HES1: variants seen among roughly 807,000 people sequenced by gnomAD.
The protein encoded by HES1 is transcription factor HES-1.
HES1 carries 7 observed loss-of-function variants against 21.0 expected under a neutral mutation model. The ratio of observed to expected loss-of-function variants is 0.33; its 90% CI spans 0.19 to 0.63. The LOEUF (loss-of-function observed/expected upper bound fraction) is 0.63, where lower values mean the gene tolerates loss of function less well. Among genes scored for constraint, HES1 ranks in the 20% least tolerant of loss-of-function variants. The pLI is 0.78. For synonymous variants in HES1, 169 were observed against 171.2 expected (o/e 0.99, Z 0.10); for missense variants, 338 against 389.8 (o/e 0.87, Z 1.12).
chr3:194,137,734 G>A lies in HES1; in HGVS notation c.344G>A (p.Ser115Asn). 1.9e-6 allele frequency: 3 copies of A among 1,613,782 alleles called. No individual in the cohort carries two copies. Among genetic ancestry groups the A allele is most frequent in the South Asian group, 1.1e-5 (1 of 90,986 alleles). The part of the protein sequence containing the change: ...SVLGKYRAGF[S>N]ECMNEVTRFL... Reference sequence around the variant, plus strand: ...CTGGGGAAGTACCGAGCCGGCTTCAGCGAGTGCATGAACGAGGTGACCCGC... The same window carrying A: ...CTGGGGAAGTACCGAGCCGGCTTCAACGAGTGCATGAACGAGGTGACCCGC... The change falls in exon 4 of 4, where the codon AGC (serine) becomes AAC (asparagine). Residue 115 changes from serine to asparagine, a missense_variant. Physicochemically the swap from Ser to Asn is conservative, Grantham distance 46 (BLOSUM62 1). Coordinates refer to ENST00000232424, the MANE Select transcript of HES1 (RefSeq NM_005524.4). The surrounding 1 kb of genome is among the most constrained non-coding windows in gnomAD (Gnocchi z 5.4).
rs543035753 is a variant in HES1 at position 194,138,091 on chromosome 3, C to G, written c.701C>G (p.Pro234Arg). Residue 234 changes from proline to arginine, a missense_variant, in exon 4 of 4, where the codon CCC (proline) becomes CGC (arginine). Physicochemically the swap from Pro to Arg is moderately radical, Grantham distance 103. Coordinates refer to ENST00000232424, the MANE Select transcript of HES1 (RefSeq NM_005524.4). ...GATGGCCAGTTTGCTTTCCTCATTC[C>G]CAACGGGGCCTTCGCGCACAGCGGC... ...APDGQFAFLI[P>R]NGAFAHSGPV... is the part of the protein sequence containing the mutation. The G allele has an allele frequency of 6.2e-7, 1 of 1,612,094 alleles. No individual in the cohort carries two copies. The highest frequency in any genetic ancestry group is 1.3e-5 in the African/African-American group (1 of 75,016).
intron 1 of HES1, 48 bp downstream of exon 1, chr3:194,136,536 G>A (rs1715342815): frequency 6.4e-7 from 1 of 1,553,098 alleles, no homozygotes; most frequent in African/African-American, 1.4e-5. Flanking sequence ...AATTAAGTAG[G>A]GGTTGGGGGG....
At position 194,137,392 on chromosome 3, in the gene HES1, G is replaced by A; in HGVS notation, c.293-291G>A. The A allele has an allele frequency of 1.8e-6, 1 of 571,186 alleles. No individual in the cohort carries two copies. The highest frequency in any genetic ancestry group is 3.1e-6 in the Non-Finnish European group (1 of 320,400). The allele number at this position is 571,186 out of a possible 1,614,324, so 35.4% of individuals were successfully genotyped here. ...GAAATGAGGCTTGGATGATGGATTG[G>A]GAGGCATTGTCCAAGGTCACATCGC... On this transcript the variant is annotated intron_variant, in intron 3 of 3. Coordinates refer to ENST00000232424, the MANE Select transcript of HES1 (RefSeq NM_005524.4). The surrounding 1 kb of genome is among the most constrained non-coding windows in gnomAD (Gnocchi z 5.4).
Position 194,138,119 on chromosome 3 carries a change from T to C in HES1, c.729T>C (p.Pro243=). 1 of 1,612,656 alleles carries C rather than the reference T, an allele frequency of 6.2e-7. No homozygotes were observed. Among genetic ancestry groups the C allele is most frequent in the Non-Finnish European group, 8.5e-7 (1 of 1,179,602 alleles). The stretch of plus-strand genomic sequence containing the variant: ...ACGGGGCCTTCGCGCACAGCGGCCC[T>C]GTCATCCCCGTCTACACCAGCAACA... ...IPNGAFAHSG[P]VIPVYTSNSG... Residue 243 remains proline (P), a synonymous_variant, in exon 4 of 4, where the codon CCT becomes CCC. Transcript: ENST00000232424.
chr3:194,136,547 C>T, intron 1 of HES1, 59 bp downstream of exon 1: 1 of 1,555,652 alleles, frequency 6.4e-7, no homozygotes, highest in African/African-American at 1.4e-5. Context: ...GGTTGGGGGG[C>T]TTCTTTCTGT....
rs898449232 is a variant in HES1, at chr3:194,137,375, G to T, written c.293-308G>T. 8 of 572,604 alleles carry T rather than the reference G, an allele frequency of 1.4e-5. No homozygotes were observed. Among genetic ancestry groups the T allele is most frequent in the Admixed American group, 6.2e-5 (2 of 32,358 alleles). The allele number at this position is 572,604 out of a possible 1,614,324, so 35.5% of individuals were successfully genotyped here. A position where few individuals can be genotyped will look rare whatever the true frequency, so the allele number is the denominator to read the frequency against. ...TTCCCGTTGCAGAAGGGGAAATGAG[G>T]CTTGGATGATGGATTGGGAGGCATT... On this transcript the variant is annotated intron_variant, in intron 3 of 3. Coordinates refer to ENST00000232424, the MANE Select transcript of HES1 (RefSeq NM_005524.4). The surrounding 1 kb of genome is among the most constrained non-coding windows in gnomAD (Gnocchi z 5.4).
chr3:194,137,611 C>T lies in HES1; in HGVS notation c.293-72C>T. The stretch of plus-strand genomic sequence containing the variant: ...GGTCAGGGAGGCGCGCCACAGGGAC[C>T]TCCCAGGGCGGAGGCAGTGGCCACG... On this transcript the variant is annotated intron_variant, in intron 3 of 3. Transcript: ENST00000232424. The surrounding 1 kb of genome is among the most constrained non-coding windows in gnomAD (Gnocchi z 5.4). The T allele has an allele frequency of 6.9e-7, 1 of 1,445,052 alleles. No individual in the cohort carries two copies. Among genetic ancestry groups the T allele is most frequent in the Non-Finnish European group, 9.2e-7 (1 of 1,086,834 alleles). The allele number at this position is 1,445,052 out of a possible 1,614,324, so 89.5% of individuals were successfully genotyped here.
intron 2 of HES1, 88 bp downstream of exon 2, chr3:194,136,800 C>G (rs770193881): frequency 2.9e-6 from 4 of 1,380,992 alleles, no homozygotes; most frequent in Non-Finnish European, 4.1e-6. Flanking sequence ...CCTGCGGGGT[C>G]TGGCACTCGC....
rs1715407052 is a variant in HES1 at position 194,138,662 on chromosome 3, T to G, written c.*429T>G. 6.5e-6 allele frequency: 1 copy of G among 154,770 alleles called. No homozygotes were observed. The highest frequency in any genetic ancestry group is 6.5e-5 in the Admixed American group (1 of 15,360). 9.6% of individuals were successfully genotyped at this position (154,770 alleles called of 1,614,324 possible). ...ATATGTAAAAAGGCTTTTGGTGGAA[T>G]TTGAATTACATGTAATTGGTAATTC... On this transcript the variant is annotated 3_prime_UTR_variant, in exon 4 of 4. Coordinates refer to ENST00000232424, the MANE Select transcript of HES1 (RefSeq NM_005524.4).
In HES1 at chr3:194,137,894, G is replaced by T; in HGVS notation, c.504G>T (p.Pro168=). The T allele has an allele frequency of 6.8e-7, 1 of 1,473,686 alleles. No homozygotes were observed. The highest frequency in any genetic ancestry group is 9.1e-7 in the Non-Finnish European group (1 of 1,103,998). 91.3% of individuals were successfully genotyped at this position (1,473,686 alleles called of 1,614,324 possible). Residue 168 remains proline (P), a synonymous_variant, in exon 4 of 4, where the codon CCG becomes CCT. Transcript: ENST00000232424. This position sits in a 1 kb window ranked among gnomAD's most constrained non-coding sequence, Gnocchi z 5.4. ...QPHPALQAPP[P]PPPGPGGPQH... is the part of the protein sequence containing the mutation. ...ACCCCGCCTTGCAGGCGCCGCCACC[G>T]CCCCCACCGGGACCCGGCGGCCCCC...
Position 194,138,049 on chromosome 3 carries a change from A to G in HES1, c.659A>G (p.Gln220Arg), listed in dbSNP as rs1715391877. Residue 220 changes from glutamine to arginine, a missense_variant, in exon 4 of 4, where the codon CAG becomes CGG. Coordinates refer to ENST00000232424, the MANE Select transcript of HES1 (RefSeq NM_005524.4). ...GEAAKVFGGF[Q>R]VVPAPDGQFA... ...GCGGCTAAGGTGTTTGGAGGCTTCCAGGTGGTACCGGCTCCCGATGGCCAG... is the reference window on the plus strand; with the variant it reads ...GCGGCTAAGGTGTTTGGAGGCTTCCGGGTGGTACCGGCTCCCGATGGCCAG... 6.2e-7 allele frequency: 1 copy of G among 1,608,380 alleles called. No homozygotes were observed. The highest frequency in any genetic ancestry group is 1.3e-5 in the African/African-American group (1 of 74,646).
rs1715372694 is a variant in HES1, at chr3:194,137,450, A to G, written c.293-233A>G. On this transcript the variant is annotated intron_variant, in intron 3 of 3. Coordinates refer to ENST00000232424, the MANE Select transcript of HES1 (RefSeq NM_005524.4). This position sits in a 1 kb window ranked among gnomAD's most constrained non-coding sequence, Gnocchi z 5.4. ...GGTGGGGGTGACAGATCTGGGGCTG[A>G]GATAGGTTTAAATGCAGCTACAGGG... Among the ~76,000 whole-genome samples the G allele has an allele frequency of 6.6e-6, 1 of 152,106 alleles. No individual in the cohort carries two copies. The highest frequency in any genetic ancestry group is 6.5e-5 in the Admixed American group (1 of 15,276).
chr3:194,136,367 A>AAAC lies in HES1; in HGVS notation c.-12_-11insCAA, dbSNP rs760596859. The stretch of plus-strand genomic sequence containing the variant: ...ATAAAATTCTCTAGAGATAAAAAAA[A>AAAC]AAAAAAAAGGAAAATGCCAGCTGAT... On this transcript the variant is annotated 5_prime_UTR_variant, in exon 1 of 4. Coordinates refer to ENST00000232424, the MANE Select transcript of HES1 (RefSeq NM_005524.4). The AAAC allele has an allele frequency of 2.6e-5, 40 of 1,520,554 alleles. No individual in the cohort carries two copies. Among genetic ancestry groups the AAAC allele is most frequent in the Non-Finnish European group, 1.8e-6 (2 of 1,129,340 alleles). The allele number at this position is 1,520,554 out of a possible 1,614,324, so 94.2% of individuals were successfully genotyped here.
In HES1 at chr3:194,138,186, G is replaced by C. The variant is rs1383054026; in HGVS notation, c.796G>C (p.Gly266Arg). ...CCCCAACGCAGTGTCACCTTCCAGC[G>C]GCCCCTCGCTTACGGCGGACTCCAT... ...VGPNAVSPSS[G>R]PSLTADSMWR... The change falls in exon 4 of 4, where the codon GGC (glycine) becomes CGC (arginine). Residue 266 changes from glycine to arginine, a missense_variant. By Grantham distance (125) the Gly-to-Arg change is moderately radical. Transcript: ENST00000232424. 1 of 1,601,046 alleles carries C rather than the reference G, an allele frequency of 6.2e-7. No homozygotes were observed. The highest frequency in any genetic ancestry group is 2.3e-5 in the East Asian group (1 of 43,924).
In HES1 at chr3:194,137,755, C is replaced by T; in HGVS notation, c.365C>T (p.Thr122Ile). The T allele has an allele frequency of 6.2e-7, 1 of 1,613,706 alleles. No homozygotes were observed. Among genetic ancestry groups the T allele is most frequent in the Non-Finnish European group, 8.5e-7 (1 of 1,179,886 alleles). The part of the protein sequence containing the change: ...AGFSECMNEV[T>I]RFLSTCEGVN... ...TTCAGCGAGTGCATGAACGAGGTGA[C>T]CCGCTTCCTGTCCACGTGCGAGGGC... Residue 122 changes from threonine to isoleucine, a missense_variant, in exon 4 of 4, where the codon ACC becomes ATC. Coordinates refer to ENST00000232424, the MANE Select transcript of HES1 (RefSeq NM_005524.4). This position sits in a 1 kb window ranked among gnomAD's most constrained non-coding sequence, Gnocchi z 5.4.
chr3:194,137,064 C>CGCGTCCCCCTGTGCGG lies in HES1; in HGVS notation c.292+24_292+39dup, dbSNP rs1337528318. 6.2e-7 allele frequency: 1 copy of CGCGTCCCCCTGTGCGG among 1,609,148 alleles called. No individual in the cohort carries two copies. The highest frequency in any genetic ancestry group is 8.5e-7 in the Non-Finnish European group (1 of 1,175,784). On this transcript the variant is annotated intron_variant, in intron 3 of 3. Transcript: ENST00000232424. The surrounding 1 kb of genome is among the most constrained non-coding windows in gnomAD (Gnocchi z 5.4). ...CAGATGACGGGTGAGGGCGGCTCGC[C>CGCGTCCCCCTGTGCGG]GCGTCCCCCTGTGCGGGCGTCCCGC...
Position 194,138,480 on chromosome 3 carries a change from A to G in HES1, c.*247A>G, listed in dbSNP as rs1417465346. 2 of 378,754 alleles carry G rather than the reference A, an allele frequency of 5.3e-6. No homozygotes were observed. The highest frequency in any genetic ancestry group is 9.3e-6 in the Non-Finnish European group (2 of 216,070). 23.5% of individuals were successfully genotyped at this position (378,754 alleles called of 1,614,324 possible). ...GCGCCTTTGTATTATAAAAGCTCAGATGACATTTCGTTTTTTACACGAGAT... is the reference window on the plus strand; with the variant it reads ...GCGCCTTTGTATTATAAAAGCTCAGGTGACATTTCGTTTTTTACACGAGAT... On this transcript the variant is annotated 3_prime_UTR_variant, in exon 4 of 4. Transcript: ENST00000232424.
At position 194,137,772 on chromosome 3, in the gene HES1, T is replaced by A; in HGVS notation, c.382T>A (p.Cys128Ser). 4.3e-6 allele frequency: 7 copies of A among 1,613,606 alleles called. No individual in the cohort carries two copies. The highest frequency in any genetic ancestry group is 1.3e-5 in the African/African-American group (1 of 75,054). The change falls in exon 4 of 4, where the codon TGC becomes AGC. Residue 128 changes from cysteine to serine, a missense_variant. Cys to Ser is a moderately radical substitution (Grantham distance 112). Transcript: ENST00000232424. This position sits in a 1 kb window ranked among gnomAD's most constrained non-coding sequence, Gnocchi z 5.4. ...CGAGGTGACCCGCTTCCTGTCCACGTGCGAGGGCGTTAATACCGAGGTGCG... is the reference window on the plus strand; with the variant it reads ...CGAGGTGACCCGCTTCCTGTCCACGAGCGAGGGCGTTAATACCGAGGTGCG... ...MNEVTRFLST[C>S]EGVNTEVRTR...
In HES1 at chr3:194,137,017, C is replaced by T; in HGVS notation, c.261C>T (p.His87=). The stretch of plus-strand genomic sequence containing the variant: ...ACATTCTGGAAATGACAGTGAAGCA[C>T]CTCCGGAACCTGCAGCGGGCGCAGA... ...KADILEMTVK[H]LRNLQRAQMT... Residue 87 remains histidine (H), a synonymous_variant, in exon 3 of 4, where the codon CAC becomes CAT. Coordinates refer to ENST00000232424, the MANE Select transcript of HES1 (RefSeq NM_005524.4). The surrounding 1 kb of genome is among the most constrained non-coding windows in gnomAD (Gnocchi z 5.4). 1.2e-6 allele frequency: 2 copies of T among 1,614,208 alleles called. No individual in the cohort carries two copies. Among genetic ancestry groups the T allele is most frequent in the African/African-American group, 1.3e-5 (1 of 75,072 alleles).
Sources: gnomAD v4.1 joint callset for allele counts (sites outside exome capture counted in the v4.1 genomes callset) on GRCh38, gnomAD v4.1.1 for gene constraint, Gnocchi (gnomAD v3.1) non-coding constraint, MANE v1.5 for transcripts, NCBI Gene and HGNC (gene_info 2026-07-23, HGNC 2026-07-21) for gene names.